Variants in DAPK2 observed in about 807,000 individuals in gnomAD.
DAPK2 encodes death associated protein kinase 2.
A neutral mutation model predicts 44.1 loss-of-function variants in DAPK2; 35 were observed. The ratio of observed to expected loss-of-function variants is 0.79; its 90% CI spans 0.61 to 1.05. DAPK2 has a LOEUF of 1.05. Ranked by LOEUF, DAPK2 falls within the 50% of genes least tolerant of loss-of-function variation. DAPK2 has a pLI of 0.00. For missense variants in DAPK2, 453 were observed against 483.2 expected (o/e 0.94, Z 0.59); for synonymous variants, 174 against 182.6 (o/e 0.95, Z 0.38).
At chr15:64,010,399 T>C (rs2079358347) in intron 1 of DAPK2, among the ~76,000 whole-genome samples, 1 of 152,244 alleles carries the variant, frequency 6.6e-6, no homozygotes, top group African/African-American at 2.4e-5. Context: ...AACAACAGTA[T>C]TGACTGCTTA....
Position 63,912,622 on chromosome 15 carries a change from T to A in DAPK2, c.859-425A>T, listed in dbSNP as rs866187442. On this transcript the variant is annotated intron_variant, in intron 8 of 10. Coordinates refer to ENST00000261891, the Ensembl canonical transcript of DAPK2. The surrounding 1 kb of genome is among the most constrained non-coding windows in gnomAD (Gnocchi z 4.4). ...AATTCATACTCCATTAAAAAATAAATGGAAGGAAATAAGGGCTTTGATGAA... is the reference window on the plus strand; with the variant it reads ...AATTCATACTCCATTAAAAAATAAAAGGAAGGAAATAAGGGCTTTGATGAA... 6.6e-6 allele frequency among the ~76,000 whole-genome samples: 1 copy of A among 152,136 alleles called. No homozygotes were observed. The highest frequency in any genetic ancestry group is 2.4e-5 in the African/African-American group (1 of 41,414).
chr15:63,951,875 A>G (rs952220948), intron 3 of DAPK2, among the ~76,000 whole-genome samples: 24 of 152,188 alleles, frequency 1.6e-4, no homozygotes, highest in Non-Finnish European at 4.4e-5. Context: ...TTTGTTCGAC[A>G]CTGAGGAACT....
intron 3 of DAPK2, 54 bp downstream of exon 4, chr15:63,971,369 G>A (rs1000259669): frequency 1.1e-5 from 18 of 1,601,658 alleles, no homozygotes; most frequent in Admixed American, 8.4e-5. Flanking sequence ...CACCAGGAGG[G>A]ACTAAGCCTC....
At chr15:64,018,633 C>T (rs1446982454) in intron 1 of DAPK2, among the ~76,000 whole-genome samples, 1 of 152,216 alleles carries the variant, frequency 6.6e-6, no homozygotes, top group Admixed American at 6.5e-5. Flanking sequence ...CTAGGTTGCA[C>T]CAGGCTGAGG....
chr15:64,031,401 T>C (rs2141145681), intron 1 of DAPK2, among the ~76,000 whole-genome samples: 2 of 152,176 alleles, frequency 1.3e-5, no homozygotes, highest in Middle Eastern at 3.4e-3. Flanking sequence ...CTTGGCTAAT[T>C]CTTCATGTTT....
chr15:64,025,835 G>A (rs1166991080), intron 1 of DAPK2, among the ~76,000 whole-genome samples: 1 of 152,160 alleles, frequency 6.6e-6, no homozygotes, highest in Non-Finnish European at 1.5e-5. Flanking sequence ...TGAAAAGAAT[G>A]GAAATATGGA....
intron 4 of DAPK2, among the ~76,000 whole-genome samples, chr15:63,932,202 A>G (rs2076979644): frequency 6.7e-6 from 1 of 149,210 alleles, no homozygotes; most frequent in African/African-American, 2.5e-5. Flanking sequence ...ACAGTGGCTT[A>G]CGCCTGTAAT....
At chr15:63,987,821 G>A (rs1000720242) in intron 1 of DAPK2, among the ~76,000 whole-genome samples, 2 of 152,128 alleles carry the variant, frequency 1.3e-5, no homozygotes, top group East Asian at 1.9e-4. Flanking sequence ...TACCACTAAC[G>A]AGCCAGGACC....
intron 2 of DAPK2, among the ~76,000 whole-genome samples, chr15:63,978,354 T>A (rs1382447493): frequency 6.6e-6 from 1 of 152,162 alleles, no homozygotes; most frequent in East Asian, 1.9e-4. Context: ...ATTCCTACTT[T>A]AAATAAAATG....
intron 1 of DAPK2, among the ~76,000 whole-genome samples, chr15:64,028,324 G>T (rs2079912949): frequency 6.6e-6 from 1 of 152,202 alleles, no homozygotes; most frequent in South Asian, 2.1e-4. Flanking sequence ...CTCCCAAAGT[G>T]CTGGGATTTC....
chr15:63,999,020 T>C (rs8024045), intron 1 of DAPK2, among the ~76,000 whole-genome samples: 30,669 of 152,140 alleles, frequency 0.2, 3,190 homozygotes, highest in South Asian at 0.25. Flanking sequence ...AGGGCTGTTT[T>C]GTGAAATTTT....
chr15:63,966,671 C>T lies in DAPK2; in HGVS notation c.453+4752G>A, dbSNP rs112361314. 4.7e-4 allele frequency among the ~76,000 whole-genome samples: 72 copies of T among 152,300 alleles called. No homozygotes were observed. The highest frequency in any genetic ancestry group is 1.5e-3 in the African/African-American group (64 of 41,560). Reference sequence around the variant, plus strand: ...TAAATGCTCCTTCCATGGGTTCCAGCGGGGTTCTGCCTGGTATTGCTTTCT... The same window carrying T: ...TAAATGCTCCTTCCATGGGTTCCAGTGGGGTTCTGCCTGGTATTGCTTTCT... On this transcript the variant is annotated intron_variant, in intron 3 of 10. Coordinates refer to ENST00000261891, the Ensembl canonical transcript of DAPK2. This position sits in a 1 kb window ranked among gnomAD's most constrained non-coding sequence, Gnocchi z 5.5.
intron 1 of DAPK2, among the ~76,000 whole-genome samples, chr15:63,989,657 A>C (rs1377478572): frequency 6.6e-6 from 1 of 152,132 alleles, no homozygotes; most frequent in Non-Finnish European, 1.5e-5. Context: ...TGATTTATTT[A>C]TACATACATA....
chr15:63,967,556 T>C (rs923609690), intron 3 of DAPK2, among the ~76,000 whole-genome samples: 8 of 152,046 alleles, frequency 5.3e-5, no homozygotes, highest in Non-Finnish European at 5.9e-5. Context: ...CTGGGCGTGG[T>C]GGCAGGCACC....
intron 1 of DAPK2, among the ~76,000 whole-genome samples, chr15:64,031,935 G>A (rs999130925): frequency 1.4e-4 from 22 of 152,328 alleles, no homozygotes; most frequent in African/African-American, 5.1e-4. Flanking sequence ...GGACATTCAT[G>A]AATTCCAGGG....
At chr15:64,031,985 C>A (rs1417327491) in intron 1 of DAPK2, among the ~76,000 whole-genome samples, 1 of 152,120 alleles carries the variant, frequency 6.6e-6, no homozygotes, top group Non-Finnish European at 1.5e-5. Flanking sequence ...AGGTATTCTG[C>A]CTTAGGTTTA....
Position 63,912,913 on chromosome 15 carries a change from C to T in DAPK2, c.859-716G>A, listed in dbSNP as rs1487978516. ...CGTTCTCCATTCCCTTTTCAACACC[C>T]CCCTTTTGTAAAATAAGGTTTTGTG... On this transcript the variant is annotated intron_variant, in intron 8 of 10. Transcript: ENST00000261891. The surrounding 1 kb of genome is among the most constrained non-coding windows in gnomAD (Gnocchi z 4.4). Among the ~76,000 whole-genome samples, 3 of 152,120 alleles carry T rather than the reference C, an allele frequency of 2.0e-5. No individual in the cohort carries two copies. The highest frequency in any genetic ancestry group is 7.2e-5 in the African/African-American group (3 of 41,410).
At chr15:64,038,761 TG>T (rs1341630129) in intron 1 of DAPK2, among the ~76,000 whole-genome samples, 1 of 152,184 alleles carries the variant, frequency 6.6e-6, no homozygotes, top group Non-Finnish European at 1.5e-5. Flanking sequence ...TTTTGCCTGT[TG>T]GATACAGTAG....
intron 3 of DAPK2, among the ~76,000 whole-genome samples, chr15:63,950,803 T>G (rs1315994099): frequency 6.6e-6 from 1 of 152,120 alleles, no homozygotes; most frequent in Non-Finnish European, 1.5e-5. Context: ...TGCCTATATG[T>G]AAAAAAGTGA....
Sources: allele counts gnomAD v4.1 joint callset (sites outside exome capture counted in the v4.1 genomes callset), GRCh38; gene constraint gnomAD v4.1.1; non-coding constraint Gnocchi (gnomAD v3.1); transcripts MANE v1.5; gene names NCBI Gene and HGNC (gene_info 2026-07-23, HGNC 2026-07-21).